Variants in CNTN1 observed in about 807,000 individuals in gnomAD.
CNTN1 encodes contactin 1.
Under a neutral mutation model 126.4 loss-of-function variants are expected in CNTN1, and 38 were observed. The observed-to-expected ratio is 0.30, with a 90% confidence interval of 0.23 to 0.39. The LOEUF (loss-of-function observed/expected upper bound fraction) is 0.39. Among genes scored for constraint, CNTN1 ranks in the 10% least tolerant of loss-of-function variants. The pLI, the probability that CNTN1 is intolerant of heterozygous loss-of-function variation, is 1.00. For missense variants in CNTN1, 1,009 were observed against 1,248.4 expected, an observed-to-expected ratio of 0.81 and a Z score of 2.89; for synonymous variants, 413 against 422.6, an observed-to-expected ratio of 0.98 and a Z score of 0.28.
chr12:40,916,563 G>A (rs1273254846), intron 3 of CNTN1, among the ~76,000 whole-genome samples: 2 of 151,944 alleles, frequency 1.3e-5, no homozygotes, highest in East Asian at 3.9e-4. Flanking sequence ...GAAAATATCA[G>A]GCATCTTCAG....
At chr12:40,709,903 C>G (rs1387756115) in intron 1 of CNTN1, among the ~76,000 whole-genome samples, 2 of 152,100 alleles carry the variant, frequency 1.3e-5, no homozygotes, top group African/African-American at 4.8e-5. Flanking sequence ...AGCAATAAGT[C>G]TGATTGTCTT....
intron 1 of CNTN1, among the ~76,000 whole-genome samples, chr12:40,791,258 C>T (rs1029305141): frequency 1.3e-5 from 2 of 152,098 alleles, no homozygotes; most frequent in Non-Finnish European, 2.9e-5. Context: ...TTTTGCTTAA[C>T]CCATGTCATT....
At chr12:40,957,095 A>C (rs1946913684) in intron 14 of CNTN1, among the ~76,000 whole-genome samples, 1 of 152,054 alleles carries the variant, frequency 6.6e-6, no homozygotes, top group Non-Finnish European at 1.5e-5. Flanking sequence ...AATGCTATCA[A>C]GAAGTCAAAT....
At chr12:40,862,719 C>A (rs928180201) in intron 1 of CNTN1, among the ~76,000 whole-genome samples, 1 of 152,136 alleles carries the variant, frequency 6.6e-6, no homozygotes, top group Non-Finnish European at 1.5e-5. Context: ...TGAAAAAAAT[C>A]TCCTTGTTAT....
At chr12:40,822,146 A>ATTTTTTTTTTTTTTTTTTTTTTTTTT in intron 1 of CNTN1, among the ~76,000 whole-genome samples, 1 of 81,922 alleles carries the variant, frequency 1.2e-5, no homozygotes, top group South Asian at 4.2e-4. Flanking sequence ...CAAAATATAA[A>ATTTTTTTTTTTTTTTTTTTTTTTTTT]TCTTTTTTTT....
chr12:40,870,814 G>C (rs1565862472), intron 1 of CNTN1, among the ~76,000 whole-genome samples: 1 of 152,056 alleles, frequency 6.6e-6, no homozygotes, highest in Non-Finnish European at 1.5e-5. Context: ...TATTATCGTT[G>C]AGCTTGGCCA....
chr12:41,014,953 A>G (rs1260045766), intron 18 of CNTN1, among the ~76,000 whole-genome samples: 1 of 152,176 alleles, frequency 6.6e-6, no homozygotes, highest in Non-Finnish European at 1.5e-5. Context: ...TCCAGATAAC[A>G]TGGTTTATAC....
At chr12:40,828,391 A>G (rs774984425) in intron 1 of CNTN1, 8 of 152,120 alleles carry the variant, frequency 5.3e-5, no homozygotes, top group Admixed American at 5.2e-4. Flanking sequence ...AATAAGGTTG[A>G]CTCAGACCTT....
chr12:40,846,400 G>A (rs945232067), intron 1 of CNTN1, among the ~76,000 whole-genome samples: 4 of 152,150 alleles, frequency 2.6e-5, no homozygotes, highest in African/African-American at 9.7e-5. Flanking sequence ...TCCCGGGGGC[G>A]GAGCCTGCAG....
intron 1 of CNTN1, among the ~76,000 whole-genome samples, chr12:40,752,818 A>G (rs76972667): frequency 0.017 from 2,623 of 152,142 alleles, 77 homozygotes; most frequent in African/African-American, 0.06. Context: ...GTTTCTCCTT[A>G]TTTTCCTCAA....
intron 23 of CNTN1, among the ~76,000 whole-genome samples, chr12:41,041,331 G>A (rs1038336887): frequency 3.7e-4 from 56 of 152,058 alleles, no homozygotes; most frequent in Non-Finnish European, 3.7e-4. Flanking sequence ...ATTTTATTGA[G>A]GATTTTTGCA....
intron 1 of CNTN1, among the ~76,000 whole-genome samples, chr12:40,745,983 G>T (rs376353330): frequency 2.6e-5 from 4 of 152,120 alleles, no homozygotes; most frequent in African/African-American, 4.8e-5. Flanking sequence ...TAGTTCTCAC[G>T]TAGGTAGTCC....
chr12:40,988,566 G>A (rs1948022783), intron 16 of CNTN1, among the ~76,000 whole-genome samples: 1 of 152,080 alleles, frequency 6.6e-6, no homozygotes, highest in South Asian at 2.1e-4. Context: ...TGAATTATTG[G>A]TCTTATGATA....
chr12:40,981,046 G>T lies in CNTN1; in HGVS notation c.1942G>T (p.Asp648Tyr). ...TIQTKTILSD[D>Y]WKDAKTDPPI... The stretch of plus-strand genomic sequence containing the variant: ...CCAGACCAAGACTATTCTTTCAGAT[G>T]ACTGGAAAGATGCAAAGACAGGTGA... Residue 648 changes from aspartate to tyrosine, a missense_variant, in exon 16 of 24, where the codon GAC (aspartate) becomes TAC (tyrosine). Asp to Tyr is a radical substitution (Grantham distance 160). Transcript: ENST00000551295. 6.2e-7 allele frequency: 1 copy of T among 1,612,976 alleles called. No individual in the cohort carries two copies.
intron 1 of CNTN1, among the ~76,000 whole-genome samples, chr12:40,755,667 A>G (rs1203501327): frequency 1.3e-5 from 2 of 152,050 alleles, no homozygotes; most frequent in Admixed American, 6.6e-5. Context: ...CTATGATTGT[A>G]CCAGTGCATT....
chr12:40,991,391 C>A (rs560373662), intron 16 of CNTN1, among the ~76,000 whole-genome samples: 2 of 151,698 alleles, frequency 1.3e-5, no homozygotes, highest in South Asian at 2.1e-4. Context: ...GTCTGCCAAG[C>A]CTTTTTTTTT....
At position 41,071,808 on chromosome 12, in the gene CNTN1, C is replaced by G. The variant is rs34823642; in HGVS notation, c.*1773C>G. 3.3e-5 allele frequency: 5 copies of G among 151,948 alleles called. No individual in the cohort carries two copies. The highest frequency in any genetic ancestry group is 7.4e-5 in the Non-Finnish European group (5 of 67,948). 9.4% of individuals were successfully genotyped at this position (151,948 alleles called of 1,614,324 possible). A position where few individuals can be genotyped will look rare whatever the true frequency, so the allele number is the denominator to read the frequency against. On this transcript the variant is annotated 3_prime_UTR_variant, in exon 24 of 24. Transcript: ENST00000551295. ...CTTCATACTTTAGGGAAACGAATACCCTGTATACCTTCTGTACAAATGTTT... is the reference window on the plus strand; with the variant it reads ...CTTCATACTTTAGGGAAACGAATACGCTGTATACCTTCTGTACAAATGTTT...
At chr12:40,860,862 T>A (rs2136642625) in intron 1 of CNTN1, among the ~76,000 whole-genome samples, 1 of 152,178 alleles carries the variant, frequency 6.6e-6, no homozygotes, top group East Asian at 1.9e-4. Flanking sequence ...TCCAAACTTC[T>A]AATCAAGGCT....
intron 1 of CNTN1, among the ~76,000 whole-genome samples, chr12:40,842,000 T>TAAAAGGA (rs1942303047): frequency 1.3e-5 from 2 of 151,556 alleles, no homozygotes; most frequent in African/African-American, 4.8e-5. Context: ...AAATTTTTTT[T>TAAAAGGA]AAAAAAAGAA....
Sources: gnomAD v4.1 joint callset for allele counts (sites outside exome capture counted in the v4.1 genomes callset) on GRCh38, gnomAD v4.1.1 for gene constraint, MANE v1.5 for transcripts, NCBI Gene and HGNC (gene_info 2026-07-23, HGNC 2026-07-21) for gene names.